The following HIP1R variants were observed in gnomAD, a reference collection of about 807,000 sequenced individuals.
HIP1R encodes huntingtin interacting protein 1 related.
HIP1R carries 135 observed loss-of-function variants against 144.2 expected under a neutral mutation model. That is an observed-to-expected ratio of 0.94 (90% CI 0.81 to 1.08). The LOEUF (loss-of-function observed/expected upper bound fraction) is 1.08, where lower values mean the gene tolerates loss of function less well. Ranked by LOEUF, HIP1R falls within the 50% of genes least tolerant of loss-of-function variation. HIP1R has a pLI of 0.00. For missense variants in HIP1R, 1,462 were observed against 1,432.8 expected, an observed-to-expected ratio of 1.02 and a Z score of -0.33; for synonymous variants, 698 against 612.8, an observed-to-expected ratio of 1.14 and a Z score of -2.05.
At position 122,858,417 on chromosome 12, in the gene HIP1R, T is replaced by G. The variant is rs1252998276; in HGVS notation, c.2032T>G (p.Tyr678Asp). The change falls in exon 20 of 32, where the codon TAC becomes GAC. Residue 678 changes from tyrosine (Y) to aspartate (D), a missense_variant. Physicochemically the swap from Tyr to Asp is radical, Grantham distance 160. This residue lies in a region of HIP1R where 1,112 missense variants were observed against 1,011.7 expected (regional missense o/e 1.10). Coordinates refer to ENST00000253083, the MANE Select transcript of HIP1R (RefSeq NM_003959.3). ...CACCCTGGAGGAGGGCCACGCCCAG[T>G]ACCTGACCTCCTTGGCAGGTGAGTG... ...VSTLEEGHAQ[Y>D]LTSLADASAL... The G allele has an allele frequency of 2.5e-6, 4 of 1,607,872 alleles. No homozygotes were observed. Among genetic ancestry groups the G allele is most frequent in the East Asian group, 4.5e-5 (2 of 44,772 alleles).
chr12:122,856,755 G>A lies in HIP1R; in HGVS notation c.1620+29G>A, dbSNP rs1374223712. The A allele has an allele frequency of 2.0e-6, 3 of 1,520,782 alleles. No individual in the cohort carries two copies. In the East Asian group the frequency reaches 7.3e-5, roughly 37 times the overall value. 94.2% of individuals were successfully genotyped at this position (1,520,782 alleles called of 1,614,324 possible). A position where few individuals can be genotyped will look rare whatever the true frequency, so the allele number is the denominator to read the frequency against. ...CATCTGGCTTTGATGACTGGAGGTGGGGTTCTGGGGCCAGTCCTGGGTGGA... is the reference window on the plus strand; with the variant it reads ...CATCTGGCTTTGATGACTGGAGGTGAGGTTCTGGGGCCAGTCCTGGGTGGA... On this transcript the variant is annotated intron_variant, in intron 17 of 31. Transcript: ENST00000253083.
chr12:122,853,778 T>A, intron 7 of HIP1R: 2 of 383,850 alleles, frequency 5.2e-6, no homozygotes, highest in South Asian at 1.2e-4. Flanking sequence ...CGTCCTGGGC[T>A]CCCAGGTGGA....
At position 122,859,174 on chromosome 12, in the gene HIP1R, CAGG is replaced by C; in HGVS notation, c.2273_2275del (p.Gln758_Gly759delinsArg). The C allele has an allele frequency of 6.3e-7, 1 of 1,575,250 alleles. No individual in the cohort carries two copies. The highest frequency in any genetic ancestry group is 8.6e-7 in the Non-Finnish European group (1 of 1,161,166). On this transcript the variant is annotated inframe_deletion, in exon 22 of 32. Coordinates refer to ENST00000253083, the MANE Select transcript of HIP1R (RefSeq NM_003959.3). The stretch of plus-strand genomic sequence containing the variant: ...GGCCAGCCTGGTGCGGACACCCCTG[CAGG>C]GCATCCTTCAGCTGGGCCAGGTGAG...
At position 122,856,051 on chromosome 12, in the gene HIP1R, G is replaced by A. The variant is rs1208263219; in HGVS notation, c.1200G>A (p.Lys400=). The A allele has an allele frequency of 1.4e-5, 22 of 1,592,384 alleles. No individual in the cohort carries two copies. Among genetic ancestry groups the A allele is most frequent in the East Asian group, 4.6e-5 (2 of 43,926 alleles). Residue 400 remains lysine (K), a synonymous_variant, in exon 14 of 32, where the codon AAG becomes AAA. Coordinates refer to ENST00000253083, the MANE Select transcript of HIP1R (RefSeq NM_003959.3). ...AGGGTGAGCTGGAGGAGCAGCGGAA[G>A]CAGAAGCAGAAGGCCCTGGTGGATA... ...ALEGELEEQR[K]QKQKALVDNE...
chr12:122,857,135 G>C lies in HIP1R; in HGVS notation c.1735G>C (p.Glu579Gln), dbSNP rs1293676633. 8.4e-6 allele frequency: 13 copies of C among 1,550,472 alleles called. No homozygotes were observed. Among genetic ancestry groups the C allele is most frequent in the African/African-American group, 1.4e-5 (1 of 73,164 alleles). ...GCTGGCGGCGCAGAGCCTGGTGCGC[G>C]AGACAGAGGCGGCGCTGAGCCGGGA... is the stretch of plus-strand genomic sequence containing the variant. The part of the protein sequence containing the change: ...DLLAAQSLVR[E>Q]TEAALSREQQ... Residue 579 changes from glutamate (E) to glutamine (Q), a missense_variant, in exon 18 of 32, where the codon GAG (glutamate) becomes CAG (glutamine). Physicochemically the swap from Glu to Gln is conservative, Grantham distance 29. Transcript: ENST00000253083.
chr12:122,861,374 C>T lies in HIP1R; in HGVS notation c.3019C>T (p.Gln1007Ter). ...ERMRLGELRK[Q>*]HYVLAGASGS... ...CATGCGGCTGGGGGAGTTGCGGAAG[C>T]AACACTACGTGCTGGCTGGGGCATC... The change falls in exon 31 of 32, where the codon CAA becomes TAA. Residue 1007 changes from glutamine (Q) to a stop codon, truncating the protein, a stop_gained. Transcript: ENST00000253083. LOFTEE classifies it high-confidence loss of function. The T allele has an allele frequency of 6.2e-7, 1 of 1,613,568 alleles. No individual in the cohort carries two copies. The highest frequency in any genetic ancestry group is 8.5e-7 in the Non-Finnish European group (1 of 1,179,930).
Position 122,858,259 on chromosome 12 carries a change from G to A in HIP1R, c.1963+10G>A. 6.3e-7 allele frequency: 1 copy of A among 1,581,968 alleles called. No individual in the cohort carries two copies. Among genetic ancestry groups the A allele is most frequent in the Non-Finnish European group, 8.6e-7 (1 of 1,158,296 alleles). On this transcript the variant is annotated intron_variant, in intron 19 of 31. Transcript: ENST00000253083. ...TGTACCAGCTCCCCAGGTAGACAGTGGGGCCACACTCAGCCGCTCCCCTGC... is the reference window on the plus strand; with the variant it reads ...TGTACCAGCTCCCCAGGTAGACAGTAGGGCCACACTCAGCCGCTCCCCTGC...
chr12:122,857,432 A>C, intron 18 of HIP1R: 1 of 612,890 alleles, frequency 1.6e-6, no homozygotes, highest in Non-Finnish European at 2.9e-6. Context: ...GCTGAGTCGT[A>C]CTCTGCCGTG....
rs368863813 is a variant in HIP1R, at chr12:122,861,820, C to G, written c.*67C>G. 40 of 1,485,596 alleles carry G rather than the reference C, an allele frequency of 2.7e-5. No individual in the cohort carries two copies. The highest frequency in any genetic ancestry group is 2.9e-5 in the Non-Finnish European group (31 of 1,070,422). The allele number at this position is 1,485,596 out of a possible 1,614,324, so 92.0% of individuals were successfully genotyped here. On this transcript the variant is annotated 3_prime_UTR_variant, in exon 32 of 32. Transcript: ENST00000253083. ...GCCTCTGCAACTGCCCTGACAGGAC[C>G]GAGAGGCCTTGCCCCTCCACCTGGT...
chr12:122,852,042 TCTC>T (rs1303781100), intron 7 of HIP1R, among the ~76,000 whole-genome samples: 1 of 152,150 alleles, frequency 6.6e-6, no homozygotes, highest in Non-Finnish European at 1.5e-5. Context: ...GGACAGGAAA[TCTC>T]AGAGGGCTCA....
At chr12:122,851,639 A>G (rs1233638348) in intron 7 of HIP1R, among the ~76,000 whole-genome samples, 2 of 151,718 alleles carry the variant, frequency 1.3e-5, no homozygotes, top group Non-Finnish European at 2.9e-5. Context: ...GGCGGAGATC[A>G]TGCCGCTACA....
chr12:122,850,303 C>T (rs761481775), intron 5 of HIP1R: 4 of 481,780 alleles, frequency 8.3e-6, no homozygotes, highest in South Asian at 6.2e-5. Context: ...CTGGGTCTGC[C>T]AAGAGCAGGG....
At chr12:122,845,160 C>G (rs778766850) in intron 1 of HIP1R, among the ~76,000 whole-genome samples, 3 of 152,228 alleles carry the variant, frequency 2.0e-5, no homozygotes, top group Non-Finnish European at 4.4e-5. Context: ...TGCTGCGGCC[C>G]TCAGAACCCT....
In HIP1R at chr12:122,854,203, C is replaced by A; in HGVS notation, c.718+20C>A. 6.2e-7 allele frequency: 1 copy of A among 1,607,200 alleles called. No homozygotes were observed. Among genetic ancestry groups the A allele is most frequent in the Non-Finnish European group, 8.5e-7 (1 of 1,176,476 alleles). On this transcript the variant is annotated intron_variant, in intron 8 of 31. Transcript: ENST00000253083. ...ACTCTTGTGAGTGGCCCAGGGCAAC[C>A]CCTGGCCCGGAAGGCTGTGTTTATA... is the stretch of plus-strand genomic sequence containing the variant.
At chr12:122,858,688 G>T (rs991652304) in intron 20 of HIP1R, 150 bp from the exon 21 acceptor site, 18 of 691,746 alleles carry the variant, frequency 2.6e-5, no homozygotes, top group Non-Finnish European at 4.4e-5. Context: ...ACACACTGTG[G>T]TGTGGTTCCC....
intron 18 of HIP1R, chr12:122,857,900 G>C (rs1220571112): frequency 4.5e-6 from 2 of 444,068 alleles, no homozygotes; most frequent in African/African-American, 2.0e-5. Context: ...TTAGGACCTT[G>C]AGCTCACGTT....
intron 1 of HIP1R, among the ~76,000 whole-genome samples, chr12:122,843,181 A>T (rs562725455): frequency 8.5e-5 from 13 of 152,168 alleles, no homozygotes; most frequent in South Asian, 2.1e-4. Flanking sequence ...CACTTCTCCC[A>T]CACCCAGGCC....
intron 24 of HIP1R, 90 bp downstream of exon 24, chr12:122,859,920 A>G (rs2033715339): frequency 6.7e-7 from 1 of 1,482,252 alleles, no homozygotes; most frequent in East Asian, 2.3e-5. Flanking sequence ...GCTCACGGGA[A>G]AGGAAGGCCT....
chr12:122,855,663 G>T (rs753619580), intron 12 of HIP1R, 51 bp downstream of exon 12: 1 of 1,540,518 alleles, frequency 6.5e-7, no homozygotes, highest in South Asian at 1.2e-5. Flanking sequence ...AACGGGCTCA[G>T]CTGAGCTGTG....
Sources: allele counts gnomAD v4.1 joint callset (sites outside exome capture counted in the v4.1 genomes callset), GRCh38; gene constraint gnomAD v4.1.1; regional missense constraint gnomAD v4.1.1; transcripts MANE v1.5; gene names NCBI Gene and HGNC (gene_info 2026-07-23, HGNC 2026-07-21).